SPATA6: variants seen among roughly 807,000 people sequenced by gnomAD.
SPATA6 encodes the protein spermatogenesis-associated protein 6.
In SPATA6, 56 loss-of-function variants were observed where a neutral mutation model predicts 65.3. The ratio of observed to expected loss-of-function variants is 0.86; its 90% confidence interval spans 0.69 to 1.07. The LOEUF is 1.07. SPATA6 is among the 50% of genes least tolerant of loss of function. The pLI is 0.00. For synonymous variants in SPATA6, 199 were observed against 213.2 expected, an observed-to-expected ratio of 0.93 and a Z score of 0.58; for missense variants, 590 against 594.8, an observed-to-expected ratio of 0.99 and a Z score of 0.08.
chr1:48,280,853 T>C, the SPATA6 span, among the ~76,000 whole-genome samples: 1 of 152,204 alleles, frequency 6.6e-6, no homozygotes, highest in Non-Finnish European at 1.5e-5. Context: ...ATCATCCTGA[T>C]ACCAAAGCCG....
chr1:48,384,326 GAGGGAC>G lies in SPATA6; in HGVS notation c.909+977_909+982del, dbSNP rs1253929304. 9.6e-3 allele frequency among the ~76,000 whole-genome samples: 868 copies of G among 90,080 alleles called. 70 individuals carry two copies. The highest frequency in any genetic ancestry group is 0.019 in the African/African-American group (277 of 14,230). The allele number at this position is 90,080 out of a possible 152,430, so 59.1% of individuals were successfully genotyped here. On this transcript the variant is annotated intron_variant, in intron 9 of 12. Coordinates refer to ENST00000371847, the MANE Select transcript of SPATA6 (RefSeq NM_019073.4). The stretch of plus-strand genomic sequence containing the variant: ...GGCTCGGCATCAGAGGGAGACCGTG[GAGGGAC>G]AGGGACAGGGACAGGGACAGGGAGA...
chr1:48,321,311 A>G (rs1243577589), intron 11 of SPATA6, among the ~76,000 whole-genome samples: 2 of 152,188 alleles, frequency 1.3e-5, no homozygotes, highest in Admixed American at 6.5e-5. Context: ...GGACACACAC[A>G]GACTGAAAAC....
chr1:48,365,460 C>A (rs1450671407), intron 9 of SPATA6, among the ~76,000 whole-genome samples: 1 of 152,084 alleles, frequency 6.6e-6, no homozygotes, highest in Non-Finnish European at 1.5e-5. Context: ...TTGTTTGTAT[C>A]CTCTTTTATT....
chr1:48,396,149 T>C (rs1279424029), intron 7 of SPATA6, among the ~76,000 whole-genome samples: 1 of 151,686 alleles, frequency 6.6e-6, no homozygotes, highest in Non-Finnish European at 1.5e-5. Context: ...ATCAAAATCA[T>C]AGTGAGATAC....
chr1:48,444,288 C>T (rs1480814915), intron 3 of SPATA6, among the ~76,000 whole-genome samples: 2 of 151,092 alleles, frequency 1.3e-5, no homozygotes, highest in Admixed American at 1.3e-4. Context: ...CTCTGTCTAC[C>T]AAAAGGATTG....
intron 3 of SPATA6, among the ~76,000 whole-genome samples, chr1:48,420,270 A>T (rs570509109): frequency 1.3e-5 from 2 of 152,306 alleles, no homozygotes; most frequent in South Asian, 4.1e-4. Flanking sequence ...GTCATGCTAT[A>T]TATCTCTTCA....
At chr1:48,384,093 G>C (rs1649133334) in intron 9 of SPATA6, among the ~76,000 whole-genome samples, 1 of 149,146 alleles carries the variant, frequency 6.7e-6, no homozygotes, top group African/African-American at 2.5e-5. Flanking sequence ...CGGCACCTCG[G>C]GAGGCCGAGG....
intron 12 of SPATA6, among the ~76,000 whole-genome samples, chr1:48,301,448 T>C (rs1184763338): frequency 6.6e-6 from 1 of 151,814 alleles, no homozygotes; most frequent in East Asian, 1.9e-4. Flanking sequence ...CAAAGCAATC[T>C]AGTCAATGCA....
downstream of SPATA6, among the ~76,000 whole-genome samples, chr1:48,294,617 A>G (rs1347910003): frequency 6.6e-6 from 1 of 152,180 alleles, no homozygotes; most frequent in African/African-American, 2.4e-5. Flanking sequence ...CTAGATCTTT[A>G]TTCTTAACTG....
At chr1:48,448,057 A>G (rs1656222609) in intron 3 of SPATA6, 1 of 152,030 alleles carries the variant, frequency 6.6e-6, no homozygotes, top group South Asian at 2.1e-4. Flanking sequence ...CATCTCAAGA[A>G]GCTGCCAGCC....
At chr1:48,343,766 A>AT (rs767348169) in intron 11 of SPATA6, among the ~76,000 whole-genome samples, 2 of 152,162 alleles carry the variant, frequency 1.3e-5, no homozygotes, top group Non-Finnish European at 2.9e-5. Flanking sequence ...GGGAATACAA[A>AT]TACAAAAGCA....
In SPATA6 at chr1:48,302,566, T is replaced by C. The variant is rs76909119; in HGVS notation, c.1286+3221A>G. 5.2e-3 allele frequency among the ~76,000 whole-genome samples: 790 copies of C among 152,314 alleles called. 19 individuals carry two copies. The highest frequency in any genetic ancestry group is 0.05 in the South Asian group (242 of 4,826). On this transcript the variant is annotated intron_variant, in intron 12 of 12. Coordinates refer to ENST00000371847, the MANE Select transcript of SPATA6 (RefSeq NM_019073.4). ...GTCAGAGCCAGTAAGCCTATAAGGC[T>C]TCCATATTTTGCCAATGGATCTGTA...
chr1:48,378,730 T>A (rs183195850), intron 9 of SPATA6, among the ~76,000 whole-genome samples: 38 of 152,284 alleles, frequency 2.5e-4, no homozygotes, highest in African/African-American at 8.7e-4. Flanking sequence ...TCCCACAACA[T>A]GTGGGAATTC....
chr1:48,308,611 T>C (rs1645120438), intron 11 of SPATA6, among the ~76,000 whole-genome samples: 1 of 152,164 alleles, frequency 6.6e-6, no homozygotes, highest in African/African-American at 2.4e-5. Flanking sequence ...GAAGAGCTCC[T>C]TTTAGTATTT....
At chr1:48,305,125 G>T (rs568210503) in intron 12 of SPATA6, among the ~76,000 whole-genome samples, 9 of 152,158 alleles carry the variant, frequency 5.9e-5, no homozygotes, top group African/African-American at 2.2e-4. Context: ...CCTAGCTTAC[G>T]AGAGTAAAGA....
intron 9 of SPATA6, among the ~76,000 whole-genome samples, chr1:48,378,356 C>G (rs567003500): frequency 1.3e-5 from 2 of 152,302 alleles, no homozygotes; most frequent in Non-Finnish European, 2.9e-5. Flanking sequence ...AAAGGCAGAT[C>G]ACATGGTTTC....
At chr1:48,419,048 A>T (rs964593801) in intron 3 of SPATA6, among the ~76,000 whole-genome samples, 57 of 152,304 alleles carry the variant, frequency 3.7e-4, no homozygotes, top group African/African-American at 1.3e-3. Flanking sequence ...CTATTTGAAA[A>T]ACATGATTAC....
intron 7 of SPATA6, among the ~76,000 whole-genome samples, chr1:48,396,481 A>G (rs1210794019): frequency 2.0e-5 from 3 of 151,776 alleles, no homozygotes; most frequent in Admixed American, 6.6e-5. Context: ...ACACAGCAAC[A>G]TTACTCATAA....
chr1:48,274,278 C>T, the SPATA6 span, among the ~76,000 whole-genome samples: 3 of 152,150 alleles, frequency 2.0e-5, no homozygotes, highest in Non-Finnish European at 4.4e-5. Context: ...AAGTTTTCTC[C>T]CATTCTGTAG....
Sources: allele counts gnomAD v4.1 joint callset (sites outside exome capture counted in the v4.1 genomes callset), GRCh38; gene constraint gnomAD v4.1.1; transcripts MANE v1.5; gene names NCBI Gene and HGNC (gene_info 2026-07-23, HGNC 2026-07-21).